EDN3: variants seen among roughly 807,000 people sequenced by gnomAD.
EDN3 encodes the protein endothelin 3, also known as endothelin-3.
Under a neutral mutation model 21.4 loss-of-function variants are expected in EDN3, and 9 were observed. The observed-to-expected ratio is 0.42, with a 90% CI of 0.25 to 0.73. EDN3 has a LOEUF of 0.73. Ranked by LOEUF, EDN3 falls within the 30% of genes least tolerant of loss-of-function variation. EDN3 has a pLI of 0.26. For synonymous variants in EDN3, 133 were observed against 126.2 expected (o/e 1.05, Z -0.36); for missense variants, 327 against 309.4 (o/e 1.06, Z -0.43).
chr20:59,307,751 A>G (rs761808365), intron 2 of EDN3, among the ~76,000 whole-genome samples: 1 of 152,098 alleles, frequency 6.6e-6, no homozygotes, highest in Admixed American at 6.6e-5. Context: ...ATCATAGGTC[A>G]CTGCAACTTT....
chr20:59,304,521 C>G (rs1051145826), intron 2 of EDN3, among the ~76,000 whole-genome samples: 4 of 152,204 alleles, frequency 2.6e-5, no homozygotes, highest in Non-Finnish European at 1.5e-5. Flanking sequence ...ACTTTGGGTG[C>G]TTTTCACCTT....
intron 2 of EDN3, among the ~76,000 whole-genome samples, chr20:59,311,431 A>G (rs1358006053): frequency 2.0e-5 from 3 of 152,182 alleles, no homozygotes; most frequent in Middle Eastern, 3.2e-3. Flanking sequence ...TTTCGATCCT[A>G]TGCTAAACAA....
At chr20:59,301,816 CAGTT>C (rs1481392328) in intron 2 of EDN3, 94 bp downstream of exon 2, 1 of 1,395,196 alleles carries the variant, frequency 7.2e-7, no homozygotes, top group Non-Finnish European at 1.0e-6. Context: ...CAGCCCCGCT[CAGTT>C]AGCCCAGAGC....
chr20:59,322,369 C>G lies in EDN3; in HGVS notation c.543-3C>G, dbSNP rs372324305. The stretch of plus-strand genomic sequence containing the variant: ...TTGATTAAAACCAGCTCTCTCCCCA[C>G]AGTAATTCAAGGACGGCAGAAAAAA... On this transcript the variant is annotated splice_polypyrimidine_tract_variant and splice_region_variant and intron_variant, in intron 3 of 4. Coordinates refer to ENST00000337938, the MANE Select transcript of EDN3 (RefSeq NM_207034.3). The surrounding 1 kb of genome is among the most constrained non-coding windows in gnomAD (Gnocchi z 4.1). The G allele has an allele frequency of 6.2e-7, 1 of 1,613,996 alleles. No homozygotes were observed. Among genetic ancestry groups the G allele is most frequent in the African/African-American group, 1.3e-5 (1 of 74,874 alleles).
chr20:59,320,515 C>T (rs917478465), intron 2 of EDN3, among the ~76,000 whole-genome samples: 1 of 152,226 alleles, frequency 6.6e-6, no homozygotes, highest in East Asian at 1.9e-4. Flanking sequence ...AATTCTTTCT[C>T]GGCTTTCCAT....
chr20:59,324,819 A>C lies in EDN3; in HGVS notation c.*360A>C. 2.8e-6 allele frequency: 1 copy of C among 356,986 alleles called. No homozygotes were observed. Among genetic ancestry groups the C allele is most frequent in the Non-Finnish European group, 5.4e-6 (1 of 185,262 alleles). 22.1% of individuals were successfully genotyped at this position (356,986 alleles called of 1,614,324 possible). On this transcript the variant is annotated 3_prime_UTR_variant, in exon 5 of 5. Coordinates refer to ENST00000337938, the MANE Select transcript of EDN3 (RefSeq NM_207034.3). Reference sequence around the variant, plus strand: ...TCCAAGCTAACTCTTTGCAAATGTAAACACATGTCCATCTTGTAATAAATG... The same window carrying C: ...TCCAAGCTAACTCTTTGCAAATGTACACACATGTCCATCTTGTAATAAATG...
chr20:59,317,299 CCTT>C (rs1481323230), intron 2 of EDN3, among the ~76,000 whole-genome samples: 1 of 152,154 alleles, frequency 6.6e-6, no homozygotes, highest in African/African-American at 2.4e-5. Context: ...GCCTTGGGCT[CCTT>C]ATTACCCTTC....
rs1989373792 is a variant in EDN3, at chr20:59,305,925, T to C, written c.365+4203T>C. Among the ~76,000 whole-genome samples, 1 of 152,180 alleles carries C rather than the reference T, an allele frequency of 6.6e-6. No homozygotes were observed. Among genetic ancestry groups the C allele is most frequent in the Non-Finnish European group, 1.5e-5 (1 of 68,030 alleles). On this transcript the variant is annotated intron_variant, in intron 2 of 4. Transcript: ENST00000337938. This position sits in a 1 kb window ranked among gnomAD's most constrained non-coding sequence, Gnocchi z 4.2. ...TGTTTGACTAAACAACTGGGCACAG[T>C]ATCCTAGCCAAGTTGACACCTAAAG... is the stretch of plus-strand genomic sequence containing the variant.
rs1186857344 is a variant in EDN3, at chr20:59,322,455, G to A, written c.588+38G>A. 1.2e-6 allele frequency: 2 copies of A among 1,613,274 alleles called. No individual in the cohort carries two copies. Among genetic ancestry groups the A allele is most frequent in the Admixed American group, 3.3e-5 (2 of 60,034 alleles). ...AACAGAGGCCTGTGTCAAAGGAGGT[G>A]AAGATGTGACGTGTCATTCCTTCGG... is the stretch of plus-strand genomic sequence containing the variant. On this transcript the variant is annotated intron_variant, in intron 4 of 4. Transcript: ENST00000337938. This position sits in a 1 kb window ranked among gnomAD's most constrained non-coding sequence, Gnocchi z 4.1.
chr20:59,324,358 C>T lies in EDN3; in HGVS notation c.616C>T (p.Gln206Ter). 6.2e-7 allele frequency: 1 copy of T among 1,614,162 alleles called. No individual in the cohort carries two copies. The highest frequency in any genetic ancestry group is 1.3e-5 in the African/African-American group (1 of 75,032). ...TGAAGTCAAGGACCAACAAAGCAAG[C>T]AGGCTTTAGACCTCCACCATCCAAA... ...KVEVKDQQSK[Q>*]ALDLHHPKLM... Residue 206 changes from glutamine to a stop codon, truncating the protein, a stop_gained, in exon 5 of 5, where the codon CAG becomes TAG. Coordinates refer to ENST00000337938, the MANE Select transcript of EDN3 (RefSeq NM_207034.3). LOFTEE classifies it low-confidence loss of function (END_TRUNC).
intron 2 of EDN3, among the ~76,000 whole-genome samples, chr20:59,315,015 T>C (rs950305206): frequency 2.0e-5 from 3 of 152,230 alleles, no homozygotes; most frequent in Non-Finnish European, 4.4e-5. Context: ...GGTATTTGGA[T>C]TAATCTTTCT....
chr20:59,322,602 G>A lies in EDN3; in HGVS notation c.588+185G>A, dbSNP rs1189090985. 1 of 818,270 alleles carries A rather than the reference G, an allele frequency of 1.2e-6. No homozygotes were observed. Among genetic ancestry groups the A allele is most frequent in the Non-Finnish European group, 2.0e-6 (1 of 488,744 alleles). The allele number at this position is 818,270 out of a possible 1,614,324, so 50.7% of individuals were successfully genotyped here. On this transcript the variant is annotated intron_variant, in intron 4 of 4. Coordinates refer to ENST00000337938, the MANE Select transcript of EDN3 (RefSeq NM_207034.3). This position sits in a 1 kb window ranked among gnomAD's most constrained non-coding sequence, Gnocchi z 4.1. ...TTGGTGGACCGTTTCTGGGGGCAGA[G>A]CGGGCTGAAGCTGTGGACAGCTGCT...
At chr20:59,321,366 A>G (rs907280574) in intron 3 of EDN3, among the ~76,000 whole-genome samples, 173 bp downstream of exon 3, 1 of 152,200 alleles carries the variant, frequency 6.6e-6, no homozygotes, top group South Asian at 2.1e-4. Context: ...CCAGGTCCTC[A>G]GCATCAGGAG....
chr20:59,300,949 G>A lies in EDN3; in HGVS notation c.52+85G>A, dbSNP rs566065811. ...GGGGGACCCGAGGCGCGGAGAAGATGTGCGTCGCGGGGAGCAAACTCTTGC... is the reference window on the plus strand; with the variant it reads ...GGGGGACCCGAGGCGCGGAGAAGATATGCGTCGCGGGGAGCAAACTCTTGC... On this transcript the variant is annotated intron_variant, in intron 1 of 4. Coordinates refer to ENST00000337938, the MANE Select transcript of EDN3 (RefSeq NM_207034.3). 142 of 1,497,160 alleles carry A rather than the reference G, an allele frequency of 9.5e-5. No homozygotes were observed. The African/African-American group carries it at 1.8e-3, about 19-fold the overall frequency. 92.7% of individuals were successfully genotyped at this position (1,497,160 alleles called of 1,614,324 possible). A position where few individuals can be genotyped will look rare whatever the true frequency, so the allele number is the denominator to read the frequency against.
intron 2 of EDN3, among the ~76,000 whole-genome samples, chr20:59,316,093 C>T (rs1017194026): frequency 2.0e-5 from 3 of 151,984 alleles, no homozygotes; most frequent in Non-Finnish European, 4.4e-5. Flanking sequence ...GGGTGAGGCA[C>T]GAGAATCGCT....
intron 2 of EDN3, among the ~76,000 whole-genome samples, chr20:59,317,234 G>A (rs1285164415): frequency 1.3e-5 from 2 of 152,182 alleles, no homozygotes; most frequent in African/African-American, 4.8e-5. Context: ...CTCATGAGCT[G>A]GTAATCTGGC....
At position 59,301,736 on chromosome 20, in the gene EDN3, T is replaced by C. The variant is rs1989056796; in HGVS notation, c.365+14T>C. 6.2e-7 allele frequency: 1 copy of C among 1,613,998 alleles called. No homozygotes were observed. The highest frequency in any genetic ancestry group is 1.7e-5 in the Admixed American group (1 of 60,032). ...CAACACTCCCGAGTAAGTCAGCCTT[T>C]TGTGGTGAGGAACGTGGCTCCCGGA... On this transcript the variant is annotated intron_variant, in intron 2 of 4. Coordinates refer to ENST00000337938, the MANE Select transcript of EDN3 (RefSeq NM_207034.3).
chr20:59,312,361 T>C (rs921594005), intron 2 of EDN3, among the ~76,000 whole-genome samples: 2 of 152,138 alleles, frequency 1.3e-5, no homozygotes, highest in African/African-American at 2.4e-5. Context: ...AGTTTGTTTC[T>C]CTAATTTTTT....
rs758310874 is a variant in EDN3 at position 59,305,032 on chromosome 20, C to G, written c.365+3310C>G. 1.3e-5 allele frequency among the ~76,000 whole-genome samples: 2 copies of G among 152,158 alleles called. No individual in the cohort carries two copies. The highest frequency in any genetic ancestry group is 2.4e-5 in the African/African-American group (1 of 41,446). On this transcript the variant is annotated intron_variant, in intron 2 of 4. Coordinates refer to ENST00000337938, the MANE Select transcript of EDN3 (RefSeq NM_207034.3). The surrounding 1 kb of genome is among the most constrained non-coding windows in gnomAD (Gnocchi z 4.2). ...AGGTGCCTGGCTGCTCTTCAGGGGCCTGCACATCCCTGTAGACAGGGGTGG... is the reference window on the plus strand; with the variant it reads ...AGGTGCCTGGCTGCTCTTCAGGGGCGTGCACATCCCTGTAGACAGGGGTGG...
Sources: allele counts gnomAD v4.1 joint callset (sites outside exome capture counted in the v4.1 genomes callset), GRCh38; gene constraint gnomAD v4.1.1; non-coding constraint Gnocchi (gnomAD v3.1); transcripts MANE v1.5; gene names NCBI Gene and HGNC (gene_info 2026-07-23, HGNC 2026-07-21).